Variants in VPS13B observed in about 807,000 individuals in gnomAD.
The protein encoded by VPS13B is vacuolar protein sorting 13 homolog B, also known as intermembrane lipid transfer protein VPS13B.
VPS13B carries 285 observed loss-of-function variants against 426.4 expected under a neutral mutation model. The ratio of observed to expected loss-of-function variants is 0.67; its 90% confidence interval spans 0.61 to 0.74. The LOEUF (loss-of-function observed/expected upper bound fraction) is 0.74. Ranked by LOEUF, VPS13B falls within the 30% of genes least tolerant of loss-of-function variation. VPS13B has a pLI of 0.00. For synonymous variants in VPS13B, 1,676 were observed against 1,676.4 expected (o/e 1.00, Z 0.01); for missense variants, 4,537 against 4,782.6 (o/e 0.95, Z 1.51).
At chr8:99,727,483 G>A (rs548238848) in intron 39 of VPS13B, among the ~76,000 whole-genome samples, 1 of 152,338 alleles carries the variant, frequency 6.6e-6, no homozygotes, top group East Asian at 1.9e-4. Flanking sequence ...AGTTCCACAT[G>A]GCTGGGGAGG....
chr8:99,425,277 G>A (rs1055694418), intron 21 of VPS13B, among the ~76,000 whole-genome samples: 1 of 152,120 alleles, frequency 6.6e-6, no homozygotes, highest in African/African-American at 2.4e-5. Flanking sequence ...GAGAATTTTA[G>A]ACCAATATCC....
intron 19 of VPS13B, among the ~76,000 whole-genome samples, chr8:99,323,573 CA>C (rs1158986229): frequency 6.6e-6 from 1 of 152,104 alleles, no homozygotes; most frequent in East Asian, 1.9e-4. Context: ...TTTATATCCC[CA>C]AAGCTCTCTA....
chr8:99,411,576 A>G (rs574650196), intron 21 of VPS13B, among the ~76,000 whole-genome samples: 4 of 152,154 alleles, frequency 2.6e-5, no homozygotes, highest in African/African-American at 9.6e-5. Flanking sequence ...TTTAGATCCC[A>G]TTTGTCAATT....
intron 3 of VPS13B, among the ~76,000 whole-genome samples, chr8:99,075,329 G>C (rs1247807425): frequency 6.6e-6 from 1 of 152,194 alleles, no homozygotes; most frequent in Non-Finnish European, 1.5e-5. Context: ...CATAGCAGAA[G>C]GTGAAGCAGG....
intron 7 of VPS13B, among the ~76,000 whole-genome samples, chr8:99,117,899 T>A (rs1588056411): frequency 6.6e-6 from 1 of 152,236 alleles, no homozygotes; most frequent in African/African-American, 2.4e-5. Context: ...TCCCACTGAA[T>A]TGTACACCTT....
At chr8:99,542,395 A>G (rs1035240786) in intron 30 of VPS13B, among the ~76,000 whole-genome samples, 1 of 152,214 alleles carries the variant, frequency 6.6e-6, no homozygotes, top group Non-Finnish European at 1.5e-5. Context: ...ACTCAGTGGA[A>G]GAGTTGGAAA....
chr8:99,636,114 C>G (rs1201026499), intron 33 of VPS13B, among the ~76,000 whole-genome samples: 1 of 151,918 alleles, frequency 6.6e-6, no homozygotes, highest in Non-Finnish European at 1.5e-5. Context: ...TGAAAACTGT[C>G]TCATATTGAA....
At chr8:99,609,205 A>G (rs1373109513) in intron 33 of VPS13B, among the ~76,000 whole-genome samples, 2 of 152,208 alleles carry the variant, frequency 1.3e-5, no homozygotes, top group African/African-American at 2.4e-5. Context: ...ATTTTGTAAC[A>G]TTATATATTA....
intron 21 of VPS13B, among the ~76,000 whole-genome samples, chr8:99,396,102 A>T (rs1407697719): frequency 6.6e-6 from 1 of 152,150 alleles, no homozygotes; most frequent in African/African-American, 2.4e-5. Flanking sequence ...GAACCGTGGG[A>T]TGATAATTAA....
At chr8:99,232,214 T>C (rs990906377) in intron 17 of VPS13B, among the ~76,000 whole-genome samples, 35 of 151,894 alleles carry the variant, frequency 2.3e-4, no homozygotes, top group South Asian at 1.7e-3. Context: ...AGGTGAGAGA[T>C]AAACAGAGAG....
Position 99,062,355 on chromosome 8 carries a change from G to A in VPS13B, c.291+23789G>A, listed in dbSNP as rs1326765369. 2.0e-5 allele frequency among the ~76,000 whole-genome samples: 3 copies of A among 152,108 alleles called. No individual in the cohort carries two copies. In the South Asian group the frequency reaches 6.2e-4, roughly 32 times the overall value. ...TTTTCATGTGCGTCAAAACCAATAA[G>A]AGATTAGATATGCCTTTACAAAACA... On this transcript the variant is annotated intron_variant, in intron 3 of 61. Coordinates refer to ENST00000357162, the MANE Select transcript of VPS13B (RefSeq NM_152564.5).
chr8:99,818,989 A>G, intron 47 of VPS13B, 101 bp downstream of exon 47: 1 of 930,988 alleles, frequency 1.1e-6, no homozygotes, highest in Non-Finnish European at 1.7e-6. Flanking sequence ...GTGGGTAGGG[A>G]GATGGGAGTG....
At chr8:99,575,158 C>T (rs1003382089) in intron 31 of VPS13B, among the ~76,000 whole-genome samples, 8 of 151,694 alleles carry the variant, frequency 5.3e-5, no homozygotes, top group African/African-American at 1.9e-4. Flanking sequence ...AGAGCAAGAC[C>T]TTGTCTTAAA....
At chr8:99,342,185 G>A (rs896476107) in intron 19 of VPS13B, among the ~76,000 whole-genome samples, 1 of 152,082 alleles carries the variant, frequency 6.6e-6, no homozygotes, top group African/African-American at 2.4e-5. Context: ...TATACAATGT[G>A]GCATGATTAA....
chr8:99,274,145 T>G (rs951109341), intron 17 of VPS13B, 53 bp from the exon 18 acceptor site: 5 of 1,611,156 alleles, frequency 3.1e-6, no homozygotes, highest in South Asian at 2.2e-5. Flanking sequence ...TGAAGGAATA[T>G]AAAAATTATT....
At position 99,819,557 on chromosome 8, in the gene VPS13B, C is replaced by G. The variant is rs1814245059; in HGVS notation, c.8767C>G (p.Pro2923Ala). The change falls in exon 48 of 62, where the codon CCC becomes GCC. Residue 2923 changes from proline (P) to alanine (A), a missense_variant. Pro to Ala is a conservative substitution (Grantham distance 27, BLOSUM62 -1). Transcript: ENST00000357162. ...AGAAAAGTCGCTTCAACCCATATGG[C>G]CCTATAATAAGAAGGATTCTGACAG... ...GPEKSLQPIW[P>A]YNKKDSDRNE... The G allele has an allele frequency of 6.2e-7, 1 of 1,613,630 alleles. No homozygotes were observed. The highest frequency in any genetic ancestry group is 8.5e-7 in the Non-Finnish European group (1 of 1,179,806).
chr8:99,061,231 C>T (rs553785168), intron 3 of VPS13B, among the ~76,000 whole-genome samples: 3 of 148,424 alleles, frequency 2.0e-5, no homozygotes, highest in African/African-American at 7.4e-5. Context: ...CTGGAGGTTC[C>T]TTTTGAATCT....
At chr8:99,320,791 C>T (rs1167460047) in intron 19 of VPS13B, among the ~76,000 whole-genome samples, 5 of 152,172 alleles carry the variant, frequency 3.3e-5, no homozygotes, top group Admixed American at 3.3e-4. Flanking sequence ...AAAGCAGTCA[C>T]TTTGCTTTGA....
chr8:99,418,003 G>A (rs2133373547), intron 21 of VPS13B, among the ~76,000 whole-genome samples: 1 of 152,136 alleles, frequency 6.6e-6, no homozygotes, highest in South Asian at 2.1e-4. Flanking sequence ...ATGCTTTCAG[G>A]AAACTTTTAT....
Sources: gnomAD v4.1 joint callset for allele counts (sites outside exome capture counted in the v4.1 genomes callset) on GRCh38, gnomAD v4.1.1 for gene constraint, MANE v1.5 for transcripts, NCBI Gene and HGNC (gene_info 2026-07-23, HGNC 2026-07-21) for gene names.